Variants in KIF2A observed in about 807,000 individuals in gnomAD.
The protein encoded by KIF2A is kinesin family member 2A.
A neutral mutation model predicts 100.2 loss-of-function variants in KIF2A; 22 were observed. The observed-to-expected ratio is 0.22, with a 90% CI of 0.16 to 0.31. The LOEUF (loss-of-function observed/expected upper bound fraction) is 0.31, where lower values mean the gene tolerates loss of function less well. Among genes scored for constraint, KIF2A ranks in the 10% least tolerant of loss-of-function variants. The pLI, the probability that KIF2A is intolerant of heterozygous loss-of-function variation, is 1.00. For missense variants in KIF2A, 495 were observed against 898.7 expected, an observed-to-expected ratio of 0.55 and a Z score of 5.74; for synonymous variants, 268 against 285.9, an observed-to-expected ratio of 0.94 and a Z score of 0.63.
At chr5:62,323,254 C>G (rs1168861584) in intron 1 of KIF2A, among the ~76,000 whole-genome samples, 1 of 117,560 alleles carries the variant, frequency 8.5e-6, no homozygotes, top group African/African-American at 3.2e-5. Context: ...AACTCCATCT[C>G]AAAAAAAAAA....
intron 18 of KIF2A, 150 bp downstream of exon 18, chr5:62,373,987 G>A (rs1374167413): frequency 1.4e-5 from 9 of 645,066 alleles, no homozygotes; most frequent in Admixed American, 2.9e-5. Context: ...CTGAGTGAGA[G>A]GACTGCTTGA....
intron 1 of KIF2A, among the ~76,000 whole-genome samples, chr5:62,313,547 G>A (rs2111777801): frequency 6.6e-6 from 1 of 152,186 alleles, no homozygotes; most frequent in South Asian, 2.1e-4. Context: ...TAGAGATGGG[G>A]TTTCACCATG....
At position 62,389,169 on chromosome 5, in the gene KIF2A, C is replaced by A; in HGVS notation, c.*3600C>A. On this transcript the variant is annotated 3_prime_UTR_variant, in exon 21 of 21. Transcript: ENST00000407818. ...AATACAGCATGCTTACAGAGCCCAC[C>A]CACTCCTAATACTAGTTATTAAAGA... 1.2e-6 allele frequency: 1 copy of A among 856,146 alleles called. No individual in the cohort carries two copies. The highest frequency in any genetic ancestry group is 1.8e-6 in the Non-Finnish European group (1 of 549,652). The allele number at this position is 856,146 out of a possible 1,614,324, so 53.0% of individuals were successfully genotyped here. A position where few individuals can be genotyped will look rare whatever the true frequency, so the allele number is the denominator to read the frequency against.
At chr5:62,366,778 C>G (rs1741090858) in intron 16 of KIF2A, among the ~76,000 whole-genome samples, 1 of 151,492 alleles carries the variant, frequency 6.6e-6, no homozygotes, top group Admixed American at 6.6e-5. Flanking sequence ...TTGCAGTGAG[C>G]CGAGATCACG....
chr5:62,376,257 C>T (rs971196743), intron 18 of KIF2A, among the ~76,000 whole-genome samples: 11 of 152,148 alleles, frequency 7.2e-5, no homozygotes, highest in African/African-American at 2.4e-4. Context: ...ACCTTTGCCA[C>T]ACCCAGGGAA....
intron 18 of KIF2A, among the ~76,000 whole-genome samples, chr5:62,376,476 A>G (rs1167658828): frequency 2.6e-5 from 4 of 151,828 alleles, no homozygotes; most frequent in South Asian, 4.2e-4. Flanking sequence ...CTGGAGTGCA[A>G]TGGCACGATC....
chr5:62,347,971 C>T, intron 2 of KIF2A, 77 bp from the exon 3 acceptor site: 1 of 1,472,778 alleles, frequency 6.8e-7, no homozygotes, highest in South Asian at 1.2e-5. Flanking sequence ...TTATTTACTT[C>T]ATCAATTTAC....
rs1742000059 is a variant in KIF2A, at chr5:62,385,814, AC to A, written c.*246del. ...GTTTCATTTACACAAATAGTGATTT[AC>A]TTTTGGAGATCCTTGTCAGTTTTAT... On this transcript the variant is annotated 3_prime_UTR_variant, in exon 21 of 21. Coordinates refer to ENST00000407818, the MANE Select transcript of KIF2A (RefSeq NM_001098511.3). 8.6e-6 allele frequency: 4 copies of A among 463,570 alleles called. No individual in the cohort carries two copies. In the East Asian group the frequency reaches 1.4e-4, roughly 17 times the overall value. 28.7% of individuals were successfully genotyped at this position (463,570 alleles called of 1,614,324 possible). A position where few individuals can be genotyped will look rare whatever the true frequency, so the allele number is the denominator to read the frequency against.
At chr5:62,363,366 T>C (rs1315818765) in intron 13 of KIF2A, 46 bp downstream of exon 13, 9 of 1,564,480 alleles carry the variant, frequency 5.8e-6, no homozygotes, top group Admixed American at 1.9e-5. Flanking sequence ...TTTTAGAAAC[T>C]TTGGGTACAG....
rs1340819916 is a variant in KIF2A, at chr5:62,381,136, G to A, written c.2032G>A (p.Glu678Lys). The A allele has an allele frequency of 6.2e-7, 1 of 1,611,430 alleles. No homozygotes were observed. Among genetic ancestry groups the A allele is most frequent in the African/African-American group, 1.3e-5 (1 of 74,842 alleles). Residue 678 changes from glutamate (E) to lysine (K), a missense_variant, in exon 20 of 21, where the codon GAA becomes AAA. Physicochemically the swap from Glu to Lys is moderately conservative, Grantham distance 56. Transcript: ENST00000407818. ...CTTGTAGGAATCTATTCGGTGGTTA[G>A]AAGATGAAAAGGCCCTCTTAGAGAT... ...AVFQESIRWL[E>K]DEKALLEMTE...
At position 62,389,097 on chromosome 5, in the gene KIF2A, G is replaced by A. The variant is rs1252410711; in HGVS notation, c.*3528G>A. On this transcript the variant is annotated 3_prime_UTR_variant, in exon 21 of 21. Coordinates refer to ENST00000407818, the MANE Select transcript of KIF2A (RefSeq NM_001098511.3). The stretch of plus-strand genomic sequence containing the variant: ...TGGAATGGTACTGAAAAGCTAATTT[G>A]TAGCACATAACGGTATATAGTTCTA... The A allele has an allele frequency of 6.5e-7, 1 of 1,540,680 alleles. No homozygotes were observed. The highest frequency in any genetic ancestry group is 1.8e-5 in the Admixed American group (1 of 56,780).
At position 62,307,829 on chromosome 5, in the gene KIF2A, G is replaced by A. The variant is rs142631021; in HGVS notation, c.64+1293G>A. ...GACGGGGTTTCACCATGTTGACAAGGCTGGTCTCGAACTCCTGACCTCAAG... is the reference window on the plus strand; with the variant it reads ...GACGGGGTTTCACCATGTTGACAAGACTGGTCTCGAACTCCTGACCTCAAG... On this transcript the variant is annotated intron_variant, in intron 1 of 20. Transcript: ENST00000407818. 8.5e-3 allele frequency among the ~76,000 whole-genome samples: 1,296 copies of A among 152,174 alleles called. 20 individuals are homozygous for A. The highest frequency in any genetic ancestry group is 0.027 in the African/African-American group (1,139 of 41,496).
At chr5:62,361,709 T>G (rs1486681974) in intron 11 of KIF2A, among the ~76,000 whole-genome samples, 180 bp downstream of exon 11, 1 of 149,638 alleles carries the variant, frequency 6.7e-6, no homozygotes. Flanking sequence ...TCACAATAAT[T>G]TTTTTTTTTT....
At chr5:62,348,251 G>A in intron 3 of KIF2A, 84 bp downstream of exon 3, 1 of 1,435,826 alleles carries the variant, frequency 7.0e-7, no homozygotes, top group Non-Finnish European at 9.6e-7. Flanking sequence ...GAAATTGGTA[G>A]GCTTTGAAGA....
At chr5:62,306,942 T>A (rs912648195) in intron 1 of KIF2A, 1 of 144,616 alleles carries the variant, frequency 6.9e-6, no homozygotes, top group Non-Finnish European at 1.5e-5. Context: ...TTTACCGGCT[T>A]GGCCTCTGAC....
At chr5:62,354,731 A>C (rs916924971) in intron 6 of KIF2A, among the ~76,000 whole-genome samples, 1 of 152,164 alleles carries the variant, frequency 6.6e-6, no homozygotes. Context: ...GAAACACTGG[A>C]TTAAATTAGA....
intron 1 of KIF2A, among the ~76,000 whole-genome samples, chr5:62,324,498 A>T (rs766008830): frequency 3.3e-5 from 5 of 152,172 alleles, no homozygotes; most frequent in Non-Finnish European, 7.3e-5. Flanking sequence ...CGCGGTACCG[A>T]TATAAAAACA....
At position 62,347,169 on chromosome 5, in the gene KIF2A, A is replaced by T; in HGVS notation, c.104A>T (p.Asp35Val). 6.2e-7 allele frequency: 1 copy of T among 1,604,720 alleles called. No homozygotes were observed. The highest frequency in any genetic ancestry group is 8.5e-7 in the Non-Finnish European group (1 of 1,174,214). ...GCAATGGTAACATCTTTAAATGAAG[A>T]TAATGAAAGTGTAACTGTTGAATGG... ...HQAMVTSLNE[D>V]NESVTVEWIE... Residue 35 changes from aspartate (D) to valine (V), a missense_variant, in exon 2 of 21, where the codon GAT (aspartate) becomes GTT (valine). Asp to Val is a radical substitution (Grantham distance 152). Around this residue, in one of 10 missense-constraint regions of KIF2A, gnomAD observed 115 missense variants for 143.6 expected, o/e 0.80. Transcript: ENST00000407818.
In KIF2A at chr5:62,360,686, C is replaced by CA. The variant is rs76298250; in HGVS notation, c.873-543dup. Among the ~76,000 whole-genome samples the CA allele has an allele frequency of 8.0e-3, 1,094 of 136,140 alleles. 11 individuals are homozygous for CA. The highest frequency in any genetic ancestry group is 0.022 in the African/African-American group (808 of 37,204). The allele number at this position is 136,140 out of a possible 152,430, so 89.3% of individuals were successfully genotyped here. On this transcript the variant is annotated intron_variant, in intron 9 of 20. Transcript: ENST00000407818. ...GGGGGACGAGAACGAGACTTCGTCT[C>CA]AAAAAAAAAAAAATGTAATTCAAAC... is the stretch of plus-strand genomic sequence containing the variant.
Sources: allele counts gnomAD v4.1 joint callset (sites outside exome capture counted in the v4.1 genomes callset), GRCh38; gene constraint gnomAD v4.1.1; regional missense constraint gnomAD v4.1.1; transcripts MANE v1.5; gene names NCBI Gene and HGNC (gene_info 2026-07-23, HGNC 2026-07-21).